Variants in LINGO2 observed in about 807,000 individuals in gnomAD.
LINGO2 encodes the protein leucine rich repeat and Ig domain containing 2, also known as leucine-rich repeat and immunoglobulin-like domain-containing nogo receptor-interacting protein 2.
Under a neutral mutation model 30.6 loss-of-function variants are expected in LINGO2, and 14 were observed. That is an observed-to-expected ratio of 0.46 (90% CI 0.30 to 0.72). LINGO2 has a LOEUF of 0.72. Among genes scored for constraint, LINGO2 ranks in the 30% least tolerant of loss-of-function variants. LINGO2 has a pLI of 0.07. For missense variants in LINGO2, 729 were observed against 751.7 expected (o/e 0.97, Z 0.35); for synonymous variants, 317 against 288.5 (o/e 1.10, Z -1.00).
chr9:28,872,826 C>T, the LINGO2 span, among the ~76,000 whole-genome samples: 1 of 151,980 alleles, frequency 6.6e-6, no homozygotes, highest in Non-Finnish European at 1.5e-5. Flanking sequence ...TATGCAAAAC[C>T]AGGAAGATTT....
intron 1 of LINGO2, among the ~76,000 whole-genome samples, chr9:28,651,488 A>G (rs1828100623): frequency 1.3e-5 from 2 of 152,104 alleles, no homozygotes; most frequent in Admixed American, 1.3e-4. Flanking sequence ...GCAAGAACAG[A>G]AACCAGTAAA....
At chr9:28,833,844 C>T in the LINGO2 span, among the ~76,000 whole-genome samples, 34 of 152,290 alleles carry the variant, frequency 2.2e-4, no homozygotes, top group Non-Finnish European at 3.7e-4. Flanking sequence ...GAATCAGCAT[C>T]TTCAAACATT....
At chr9:28,491,017 G>A (rs1485425869) in intron 1 of LINGO2, among the ~76,000 whole-genome samples, 2 of 152,144 alleles carry the variant, frequency 1.3e-5, no homozygotes, top group Non-Finnish European at 1.5e-5. Context: ...ATTATTTGAA[G>A]GATACATGAA....
At chr9:28,217,790 A>T (rs1820820582) in intron 4 of LINGO2, among the ~76,000 whole-genome samples, 1 of 152,030 alleles carries the variant, frequency 6.6e-6, no homozygotes, top group African/African-American at 2.4e-5. Flanking sequence ...GACTTCATGA[A>T]ATAGGAACTG....
At chr9:28,862,366 AT>A in the LINGO2 span, among the ~76,000 whole-genome samples, 58,193 of 151,952 alleles carry the variant, frequency 0.38, 12,751 homozygotes, top group Middle Eastern at 0.51. Context: ...GTAGCAAGAT[AT>A]TTCTTAGGTA....
At chr9:28,361,473 C>T (rs1235410215) in intron 3 of LINGO2, among the ~76,000 whole-genome samples, 5 of 151,984 alleles carry the variant, frequency 3.3e-5, no homozygotes, top group Non-Finnish European at 5.9e-5. Flanking sequence ...GGGCAATGTG[C>T]TCTGATATTT....
intron 4 of LINGO2, among the ~76,000 whole-genome samples, chr9:28,022,988 T>C (rs1476107443): frequency 6.6e-6 from 1 of 152,144 alleles, no homozygotes; most frequent in Non-Finnish European, 1.5e-5. Context: ...CATTTTTCAT[T>C]CTATTTTTTA....
intron 3 of LINGO2, among the ~76,000 whole-genome samples, chr9:28,322,961 T>C (rs1037281900): frequency 1.3e-5 from 2 of 152,132 alleles, no homozygotes; most frequent in Non-Finnish European, 2.9e-5. Context: ...CTGACCTCCT[T>C]GAAATCTCAA....
At chr9:28,476,428 A>G (rs987506079) in intron 1 of LINGO2, among the ~76,000 whole-genome samples, 1 of 152,064 alleles carries the variant, frequency 6.6e-6, no homozygotes, top group Admixed American at 6.5e-5. Context: ...GGCGCCCGCC[A>G]CCACGCCCGG....
intron 4 of LINGO2, among the ~76,000 whole-genome samples, chr9:28,033,539 G>A (rs1587732682): frequency 6.6e-6 from 1 of 152,204 alleles, no homozygotes; most frequent in East Asian, 1.9e-4. Flanking sequence ...GTTGTAAAAG[G>A]CTACTGGAAA....
chr9:28,880,110 C>A, the LINGO2 span, among the ~76,000 whole-genome samples: 1 of 152,088 alleles, frequency 6.6e-6, no homozygotes, highest in Non-Finnish European at 1.5e-5. Flanking sequence ...GAAGAATATT[C>A]TTTTTTTCTC....
At chr9:28,552,450 G>A (rs1018184712) in intron 1 of LINGO2, among the ~76,000 whole-genome samples, 1 of 151,934 alleles carries the variant, frequency 6.6e-6, no homozygotes, top group East Asian at 1.9e-4. Flanking sequence ...TGGTCTTATT[G>A]TTTACTAGCT....
At chr9:28,306,122 C>T (rs1053311123) in intron 3 of LINGO2, among the ~76,000 whole-genome samples, 4 of 152,120 alleles carry the variant, frequency 2.6e-5, no homozygotes, top group Admixed American at 6.6e-5. Context: ...GTAGGTTGCA[C>T]CTCTACTCTT....
intron 1 of LINGO2, among the ~76,000 whole-genome samples, chr9:28,492,887 T>C (rs574566658): frequency 3.7e-4 from 56 of 152,226 alleles, no homozygotes; most frequent in African/African-American, 1.3e-3. Flanking sequence ...GTGGACTACT[T>C]CATCACTGAG....
the LINGO2 span, among the ~76,000 whole-genome samples, chr9:29,005,215 G>T: frequency 1.3e-5 from 2 of 151,804 alleles, no homozygotes; most frequent in South Asian, 2.1e-4. Flanking sequence ...GCTTAAAAAC[G>T]TTTCTTGGAG....
At chr9:29,020,705 G>C in the LINGO2 span, among the ~76,000 whole-genome samples, 4 of 152,218 alleles carry the variant, frequency 2.6e-5, no homozygotes, top group Non-Finnish European at 4.4e-5. Flanking sequence ...ACTAAGAATA[G>C]AGCTGGAGCT....
At chr9:28,265,435 C>T (rs1312807909) in intron 4 of LINGO2, among the ~76,000 whole-genome samples, 2 of 151,880 alleles carry the variant, frequency 1.3e-5, no homozygotes, top group Non-Finnish European at 2.9e-5. Context: ...GATTTGGTAC[C>T]TGTGCTGTAA....
At chr9:28,574,344 C>A (rs1823850193) in intron 1 of LINGO2, among the ~76,000 whole-genome samples, 1 of 152,168 alleles carries the variant, frequency 6.6e-6, no homozygotes, top group Non-Finnish European at 1.5e-5. Flanking sequence ...GGGAATTTGT[C>A]ACCCACCCAA....
the LINGO2 span, among the ~76,000 whole-genome samples, chr9:28,892,880 A>T: frequency 6.6e-6 from 1 of 152,026 alleles, no homozygotes; most frequent in Non-Finnish European, 1.5e-5. Flanking sequence ...TTTAGAAAAA[A>T]GATTTCTGTT....
Sources: allele counts gnomAD v4.1 joint callset (sites outside exome capture counted in the v4.1 genomes callset), GRCh38; gene constraint gnomAD v4.1.1; transcripts MANE v1.5; gene names NCBI Gene and HGNC (gene_info 2026-07-23, HGNC 2026-07-21).